SLIT3: variants seen among roughly 807,000 people sequenced by gnomAD.
SLIT3 encodes the protein slit homolog 3 protein.
A neutral mutation model predicts 184.0 loss-of-function variants in SLIT3; 68 were observed. The observed-to-expected ratio is 0.37, with a 90% CI of 0.30 to 0.45. The LOEUF (loss-of-function observed/expected upper bound fraction) is 0.45. Ranked by LOEUF, SLIT3 falls within the 20% of genes least tolerant of loss-of-function variation. SLIT3 has a pLI of 1.00. For missense variants in SLIT3, 1,707 were observed against 2,026.0 expected (o/e 0.84, Z 3.02); for synonymous variants, 831 against 828.6 (o/e 1.00, Z -0.05).
intron 4 of SLIT3, among the ~76,000 whole-genome samples, chr5:169,047,519 C>CT (rs1757666651): frequency 3.8e-5 from 2 of 52,466 alleles, no homozygotes; most frequent in South Asian, 7.8e-4. Flanking sequence ...TAGATGGAAC[C>CT]TACCCTTCCA....
chr5:168,876,531 C>T (rs1193742957), intron 5 of SLIT3, among the ~76,000 whole-genome samples: 1 of 152,222 alleles, frequency 6.6e-6, no homozygotes, highest in East Asian at 1.9e-4. Flanking sequence ...TTTCACACAC[C>T]TCTGTCCCTT....
intron 4 of SLIT3, among the ~76,000 whole-genome samples, chr5:168,907,456 A>G (rs994322009): frequency 3.9e-5 from 6 of 152,186 alleles, no homozygotes; most frequent in Non-Finnish European, 8.8e-5. Context: ...ATGTATCTGC[A>G]AAGAAAAGGC....
At chr5:169,284,313 A>G (rs1328956776) in intron 1 of SLIT3, among the ~76,000 whole-genome samples, 2 of 152,142 alleles carry the variant, frequency 1.3e-5, no homozygotes, top group Admixed American at 6.5e-5. Context: ...CTTACCTGGG[A>G]CCCTGAGCTC....
chr5:169,088,397 ATTT>A (rs35908644), intron 4 of SLIT3, among the ~76,000 whole-genome samples: 68 of 135,926 alleles, frequency 5.0e-4, no homozygotes, highest in Admixed American at 4.5e-3. Context: ...TTTTTCTTCG[ATTT>A]TTTTTTTTTT....
intron 4 of SLIT3, among the ~76,000 whole-genome samples, chr5:169,162,647 T>TCAAAGCATCC (rs1450507277): frequency 6.6e-6 from 1 of 152,212 alleles, no homozygotes; most frequent in Non-Finnish European, 1.5e-5. Flanking sequence ...TTCAGAGGTT[T>TCAAAGCATCC]GGGGTCAAAC....
At chr5:168,969,296 A>G (rs891486430) in intron 4 of SLIT3, among the ~76,000 whole-genome samples, 2 of 152,144 alleles carry the variant, frequency 1.3e-5, no homozygotes, top group Admixed American at 1.3e-4. Context: ...CAGGGAGTCA[A>G]TTTTAGGTTG....
intron 8 of SLIT3, 46 bp from the exon 9 acceptor site, chr5:168,806,633 CT>C: frequency 6.2e-7 from 1 of 1,608,518 alleles, no homozygotes; most frequent in Non-Finnish European, 8.5e-7. Context: ...GTGTCAGGAG[CT>C]GCCTGGGCTT....
chr5:168,685,205 T>C (rs1254621073), intron 31 of SLIT3, among the ~76,000 whole-genome samples: 1 of 152,184 alleles, frequency 6.6e-6, no homozygotes, highest in Non-Finnish European at 1.5e-5. Flanking sequence ...CACCTCAGCC[T>C]CCCTAAGTGT....
intron 2 of SLIT3, among the ~76,000 whole-genome samples, chr5:169,249,950 T>C (rs149243773): frequency 6.6e-6 from 1 of 152,232 alleles, no homozygotes; most frequent in African/African-American, 2.4e-5. Flanking sequence ...TCCCCACACA[T>C]GTGTACATAA....
chr5:168,700,788 G>T, intron 26 of SLIT3, 109 bp from the exon 27 acceptor site: 1 of 775,580 alleles, frequency 1.3e-6, no homozygotes, highest in Non-Finnish European at 2.2e-6. Flanking sequence ...CTGGGGAGAT[G>T]ACAACAAGGA....
At chr5:169,082,923 A>T (rs151074787) in intron 4 of SLIT3, among the ~76,000 whole-genome samples, 1 of 152,186 alleles carries the variant, frequency 6.6e-6, no homozygotes, top group African/African-American at 2.4e-5. Flanking sequence ...CAGCAGTTCA[A>T]TACAGGGCAA....
chr5:168,941,129 C>T (rs554116406), intron 4 of SLIT3, among the ~76,000 whole-genome samples: 1 of 152,170 alleles, frequency 6.6e-6, no homozygotes, highest in South Asian at 2.1e-4. Context: ...TCTTAAATCA[C>T]CACCAATTTG....
intron 4 of SLIT3, among the ~76,000 whole-genome samples, chr5:169,048,066 C>T (rs977863455): frequency 6.6e-6 from 1 of 152,204 alleles, no homozygotes; most frequent in African/African-American, 2.4e-5. Flanking sequence ...TCAAGATCCA[C>T]TAATTGCCCC....
At chr5:168,902,122 C>T (rs544522463) in intron 4 of SLIT3, among the ~76,000 whole-genome samples, 18 of 152,256 alleles carry the variant, frequency 1.2e-4, no homozygotes, top group Admixed American at 7.2e-4. Context: ...GATCTCTTGA[C>T]CTCATGATCT....
intron 4 of SLIT3, among the ~76,000 whole-genome samples, chr5:169,063,214 T>A (rs150615298): frequency 6.6e-6 from 1 of 152,294 alleles, no homozygotes; most frequent in African/African-American, 2.4e-5. Context: ...GCCGGCTGCA[T>A]GAGGGTCAGT....
At chr5:168,720,711 G>A (rs1021455651) in intron 23 of SLIT3, 2 of 152,224 alleles carry the variant, frequency 1.3e-5, no homozygotes, top group Non-Finnish European at 2.9e-5. Context: ...CCCAGAGAAG[G>A]TGGATAATAA....
intron 10 of SLIT3, chr5:168,791,163 A>T (rs1756352602): frequency 6.6e-6 from 1 of 152,260 alleles, no homozygotes; most frequent in African/African-American, 2.4e-5. Context: ...CCAGACAAAC[A>T]CGAAGGATCT....
Position 169,193,565 on chromosome 5 carries a change from G to A in SLIT3, c.342-15C>T. 6.2e-7 allele frequency: 1 copy of A among 1,606,258 alleles called. No individual in the cohort carries two copies. On this transcript the variant is annotated splice_polypyrimidine_tract_variant and intron_variant, in intron 3 of 35. Transcript: ENST00000519560. ...TGTTCAGGCGCCTAAAGAGGAAAGA[G>A]AATGGAAGGATGTCAAGGGGACATT... is the stretch of plus-strand genomic sequence containing the variant.
At chr5:168,856,365 G>A (rs1236182713) in intron 5 of SLIT3, among the ~76,000 whole-genome samples, 3 of 152,144 alleles carry the variant, frequency 2.0e-5, no homozygotes, top group South Asian at 2.1e-4. Context: ...GATCTTACAC[G>A]ATGAGATAGC....
Sources: gnomAD v4.1 joint callset for allele counts (sites outside exome capture counted in the v4.1 genomes callset) on GRCh38, gnomAD v4.1.1 for gene constraint, MANE v1.5 for transcripts, NCBI Gene and HGNC (gene_info 2026-07-23, HGNC 2026-07-21) for gene names.